The following R3HCC1 variants were observed in gnomAD, a reference collection of about 807,000 sequenced individuals.
R3HCC1 encodes R3H and coiled-coil domain-containing protein 1.
R3HCC1 carries 32 observed loss-of-function variants against 40.0 expected under a neutral mutation model. The ratio of observed to expected loss-of-function variants is 0.80; its 90% confidence interval spans 0.60 to 1.07. The LOEUF is 1.07. Among genes scored for constraint, R3HCC1 ranks in the 50% least tolerant of loss-of-function variants. The pLI is 0.00. For synonymous variants in R3HCC1, 237 were observed against 232.8 expected, an observed-to-expected ratio of 1.02 and a Z score of -0.17; for missense variants, 586 against 563.3, an observed-to-expected ratio of 1.04 and a Z score of -0.41.
intron 3 of R3HCC1, 133 bp downstream of exon 3, chr8:23,289,286 G>C: frequency 9.9e-7 from 1 of 1,012,680 alleles, no homozygotes; most frequent in Non-Finnish European, 1.4e-6. Context: ...CCTAGCTGCA[G>C]CTGCTCAGCC....
chr8:23,289,885 C>G lies in R3HCC1; in HGVS notation c.268C>G (p.Leu90Val). ...CTCCAGGGTACCCAGTTCGGATGGC[C>G]TCTCTGGCCCCTGCCGCGCTCCTGC... Residue 90 changes from leucine to valine, a missense_variant, in exon 4 of 8, where the codon CTC becomes GTC. Physicochemically the swap from Leu to Val is conservative, Grantham distance 32 (BLOSUM62 1). Transcript: ENST00000265806. The G allele has an allele frequency of 6.6e-7, 1 of 1,521,924 alleles. No individual in the cohort carries two copies. 94.3% of individuals were successfully genotyped at this position (1,521,924 alleles called of 1,614,324 possible).
At chr8:23,289,297 A>G (rs1317071452) in intron 3 of R3HCC1, 144 bp downstream of exon 3, 2 of 921,830 alleles carry the variant, frequency 2.2e-6, no homozygotes, top group African/African-American at 3.3e-5. Context: ...CTGCTCAGCC[A>G]GGGCTGCCTT....
intron 4 of R3HCC1, among the ~76,000 whole-genome samples, chr8:23,290,763 G>A (rs1179913877): frequency 1.3e-5 from 2 of 152,202 alleles, no homozygotes; most frequent in East Asian, 3.8e-4. Context: ...ACTAGGTCAT[G>A]GAGATGGACT....
In R3HCC1 at chr8:23,289,912, T is replaced by TCCTGCCC; in HGVS notation, c.297_303dup (p.Ser102LeufsTer35). ...CTCTGGCCCCTGCCGCGCTCCTGCC[T>TCCTGCCC]CCTGCCCCAGCAGGTACCACGGTCC... On this transcript the variant is annotated frameshift_variant, in exon 4 of 8. Coordinates refer to ENST00000265806, the MANE Select transcript of R3HCC1 (RefSeq NM_001136108.3). LOFTEE classifies it high-confidence loss of function. 5.9e-6 allele frequency: 9 copies of TCCTGCCC among 1,534,716 alleles called. No homozygotes were observed. Among genetic ancestry groups the TCCTGCCC allele is most frequent in the Non-Finnish European group, 7.9e-6 (9 of 1,145,982 alleles).
In R3HCC1 at chr8:23,293,360, C is replaced by T. The variant is rs1802914949; in HGVS notation, c.1083C>T (p.Pro361=). The change falls in exon 6 of 8, where the codon CCC becomes CCT. Residue 361 remains proline (P), a synonymous_variant. Coordinates refer to ENST00000265806, the MANE Select transcript of R3HCC1 (RefSeq NM_001136108.3). ...ATACTCACGCACTCGGCATCTTTCC[C>T]TGCCTGGCCTCAGGTAAGGCACCCC... 6.4e-7 allele frequency: 1 copy of T among 1,551,286 alleles called. No individual in the cohort carries two copies. The highest frequency in any genetic ancestry group is 8.7e-7 in the Non-Finnish European group (1 of 1,146,818).
chr8:23,288,252 C>A, intron 1 of R3HCC1, 95 bp downstream of exon 1: 1 of 1,168,078 alleles, frequency 8.6e-7, no homozygotes, highest in Non-Finnish European at 1.1e-6. Context: ...CCCCCGTGAG[C>A]CCCGGGAAGG....
chr8:23,293,468 C>A, intron 6 of R3HCC1, 95 bp downstream of exon 6: 1 of 982,806 alleles, frequency 1.0e-6, no homozygotes, highest in Non-Finnish European at 1.5e-6. Context: ...CTCCTGGGCG[C>A]AGGCTCAGCT....
chr8:23,288,470 T>C, intron 1 of R3HCC1, 36 bp from the exon 2 acceptor site: 1 of 1,534,566 alleles, frequency 6.5e-7, no homozygotes, highest in East Asian at 2.4e-5. Flanking sequence ...CGGGGGTCTG[T>C]GCTCTGATTC....
chr8:23,288,172 A>G lies in R3HCC1; in HGVS notation c.-19+15A>G, dbSNP rs558948619. 1.9e-3 allele frequency: 2,271 copies of G among 1,214,590 alleles called. 1 individual carries two copies. The highest frequency in any genetic ancestry group is 2.2e-3 in the Non-Finnish European group (2,102 of 958,930). 75.2% of individuals were successfully genotyped at this position (1,214,590 alleles called of 1,614,324 possible). A position where few individuals can be genotyped will look rare whatever the true frequency, so the allele number is the denominator to read the frequency against. ...GAGAGGCCGCGGTGAGTGCAGCAGCACTGGGGGGGTGGTCGTCCCGACCCC... is the reference window on the plus strand; with the variant it reads ...GAGAGGCCGCGGTGAGTGCAGCAGCGCTGGGGGGGTGGTCGTCCCGACCCC... On this transcript the variant is annotated intron_variant, in intron 1 of 7. Transcript: ENST00000265806.
Position 23,288,135 on chromosome 8 carries a change from C to T in R3HCC1, c.-41C>T, listed in dbSNP as rs1437722233. 4.0e-6 allele frequency: 5 copies of T among 1,252,378 alleles called. 1 individual carries two copies. The South Asian group carries it at 5.3e-5, about 13-fold the overall frequency. 77.6% of individuals were successfully genotyped at this position (1,252,378 alleles called of 1,614,324 possible). ...TGGCCCCTGGGGACGCCGAGGGCGG[C>T]TGCGACGCGCCGAGAGGCCGCGGTG... On this transcript the variant is annotated 5_prime_UTR_variant, in exon 1 of 8. Coordinates refer to ENST00000265806, the MANE Select transcript of R3HCC1 (RefSeq NM_001136108.3).
At chr8:23,291,729 G>A (rs1419757398) in intron 5 of R3HCC1, among the ~76,000 whole-genome samples, 196 bp downstream of exon 5, 1 of 152,248 alleles carries the variant, frequency 6.6e-6, no homozygotes, top group Non-Finnish European at 1.5e-5. Context: ...GCACTGATTT[G>A]TTGGTTGTAG....
rs373018568 is a variant in R3HCC1 at position 23,291,378 on chromosome 8, G to A, written c.870G>A (p.Thr290=). 21 of 1,551,682 alleles carry A rather than the reference G, an allele frequency of 1.4e-5. No individual in the cohort carries two copies. The highest frequency in any genetic ancestry group is 1.7e-4 in the Middle Eastern group (1 of 6,004). The change falls in exon 5 of 8, where the codon ACG becomes ACA. Residue 290 remains threonine (T), a synonymous_variant. Coordinates refer to ENST00000265806, the MANE Select transcript of R3HCC1 (RefSeq NM_001136108.3). Reference sequence around the variant, plus strand: ...TCTCCTAGATCACAGACAACCTGACGAAGAAGGAGATTCAGATAGAGAAGA... The same window carrying A: ...TCTCCTAGATCACAGACAACCTGACAAAGAAGGAGATTCAGATAGAGAAGA...
rs1012396879 is a variant in R3HCC1, at chr8:23,289,733, C to T, written c.249-133C>T. 6.2e-6 allele frequency: 8 copies of T among 1,284,458 alleles called. No homozygotes were observed. In the Admixed American group the frequency reaches 1.2e-4, roughly 19 times the overall value. The allele number at this position is 1,284,458 out of a possible 1,614,324, so 79.6% of individuals were successfully genotyped here. A position where few individuals can be genotyped will look rare whatever the true frequency, so the allele number is the denominator to read the frequency against. On this transcript the variant is annotated intron_variant, in intron 3 of 7. Transcript: ENST00000265806. ...CTGTGATGCCTTCCTAAGGGATTTT[C>T]GAGGGTCATTTTGGCTGTGGTTTTT...
rs1405790939 is a variant in R3HCC1, at chr8:23,290,234, C to G, written c.617C>G (p.Pro206Arg). The change falls in exon 4 of 8, where the codon CCA becomes CGA. Residue 206 changes from proline to arginine, a missense_variant. Transcript: ENST00000265806. ...CCAGGACAAAGGTGTGAGAATGAGC[C>G]ACTGCTGGACCCTGTTGGCCCTGAG... The G allele has an allele frequency of 1.3e-6, 2 of 1,551,606 alleles. No homozygotes were observed. The highest frequency in any genetic ancestry group is 1.7e-6 in the Non-Finnish European group (2 of 1,146,998).
chr8:23,292,074 T>G (rs1297809665), intron 5 of R3HCC1, among the ~76,000 whole-genome samples: 2 of 152,216 alleles, frequency 1.3e-5, no homozygotes, highest in African/African-American at 2.4e-5. Context: ...CTTTTCCTTT[T>G]TTTTCTCATT....
chr8:23,293,492 C>T (rs559466841), intron 6 of R3HCC1, 119 bp downstream of exon 6: 2 of 737,288 alleles, frequency 2.7e-6, no homozygotes, highest in South Asian at 1.8e-5. Flanking sequence ...CCAGTAGGCT[C>T]TGGGGGTTTT....
intron 7 of R3HCC1, chr8:23,295,512 C>G: frequency 2.2e-6 from 1 of 459,180 alleles, no homozygotes; most frequent in South Asian, 1.5e-5. Flanking sequence ...AAAGTAGTAA[C>G]TAGTAAAATG....
At position 23,289,018 on chromosome 8, in the gene R3HCC1, T is replaced by G; in HGVS notation, c.113T>G (p.Val38Gly). ...CACTTCTTCCCCTCCCTCCCCAGGG[T>G]TCTTCTTTTCCCCCCACTCTCCAGT... Residue 38 changes from valine to glycine, a missense_variant and splice_region_variant, in exon 3 of 8, where the codon GTT (valine) becomes GGT (glycine). Coordinates refer to ENST00000265806, the MANE Select transcript of R3HCC1 (RefSeq NM_001136108.3). 6.5e-7 allele frequency: 1 copy of G among 1,536,422 alleles called. No individual in the cohort carries two copies. The highest frequency in any genetic ancestry group is 1.2e-5 in the South Asian group (1 of 84,048).
At chr8:23,290,660 T>TGTA (rs1450946780) in intron 4 of R3HCC1, among the ~76,000 whole-genome samples, 191 bp downstream of exon 4, 2 of 152,082 alleles carry the variant, frequency 1.3e-5, no homozygotes. Flanking sequence ...AGCCCAGCCA[T>TGTA]GTAGGAGCTG....
Sources: allele counts gnomAD v4.1 joint callset (sites outside exome capture counted in the v4.1 genomes callset), GRCh38; gene constraint gnomAD v4.1.1; transcripts MANE v1.5; gene names NCBI Gene and HGNC (gene_info 2026-07-23, HGNC 2026-07-21).